VPS13A: variants seen among roughly 807,000 people sequenced by gnomAD.
VPS13A encodes the protein vacuolar protein sorting 13 homolog A, also known as intermembrane lipid transfer protein VPS13A.
Under a neutral mutation model 390.9 loss-of-function variants are expected in VPS13A, and 264 were observed. That is an observed-to-expected ratio of 0.68 (90% CI 0.61 to 0.75). The LOEUF (loss-of-function observed/expected upper bound fraction) is 0.75. Ranked by LOEUF, VPS13A falls within the 30% of genes least tolerant of loss-of-function variation. VPS13A has a pLI of 0.00. For missense variants in VPS13A, 3,409 were observed against 3,733.9 expected, an observed-to-expected ratio of 0.91 and a Z score of 2.27; for synonymous variants, 1,231 against 1,227.1, an observed-to-expected ratio of 1.00 and a Z score of -0.07.
At chr9:77,197,452 ATACATGTTTATAATTGT>A (rs1825069387) in intron 1 of VPS13A, among the ~76,000 whole-genome samples, 1 of 152,110 alleles carries the variant, frequency 6.6e-6, no homozygotes, top group Non-Finnish European at 1.5e-5. Context: ...TGTTTGGTGC[ATACATGTTTATAATTGT>A]TACATCTTTT....
intron 52 of VPS13A, 121 bp downstream of exon 52, chr9:77,345,263 A>T: frequency 9.0e-7 from 1 of 1,112,192 alleles, no homozygotes. Context: ...TGTGTAAAAC[A>T]GTGTTCCATT....
At chr9:77,374,170 C>G (rs1281968571) in intron 67 of VPS13A, among the ~76,000 whole-genome samples, 8 of 151,748 alleles carry the variant, frequency 5.3e-5, no homozygotes, top group African/African-American at 1.9e-4. Context: ...TATAGTAGTC[C>G]CTCTTGATCT....
At chr9:77,178,345 G>A (rs1325929401) in intron 1 of VPS13A, among the ~76,000 whole-genome samples, 3 of 152,238 alleles carry the variant, frequency 2.0e-5, no homozygotes, top group African/African-American at 7.2e-5. Context: ...TTCACCCGTG[G>A]TGCTTTCTGC....
At position 77,321,575 on chromosome 9, in the gene VPS13A, A is replaced by G; in HGVS notation, c.5659A>G (p.Thr1887Ala). 6.2e-7 allele frequency: 1 copy of G among 1,613,490 alleles called. No individual in the cohort carries two copies. The highest frequency in any genetic ancestry group is 8.5e-7 in the Non-Finnish European group (1 of 1,179,614). ...TATGATTTTAAATTCCCTTGGACTT[A>G]CTATTTCTGTTTCGCCAAGTGATTC... ...PFMILNSLGLTISVSPSDSFS... is the reference protein window; with the variant it reads ...PFMILNSLGLAISVSPSDSFS... The change falls in exon 44 of 72, where the codon ACT becomes GCT. Residue 1887 changes from threonine (T) to alanine (A), a missense_variant. Thr to Ala is a moderately conservative substitution (Grantham distance 58). This residue lies in a region of VPS13A where 2,717 missense variants were observed against 2,917.4 expected (regional missense o/e 0.93). Coordinates refer to ENST00000360280, the MANE Select transcript of VPS13A (RefSeq NM_033305.3).
intron 5 of VPS13A, among the ~76,000 whole-genome samples, chr9:77,206,327 T>TA (rs1825636424): frequency 4.0e-5 from 2 of 50,414 alleles, no homozygotes; most frequent in Non-Finnish European, 8.1e-5. Context: ...TTTACATATT[T>TA]TTTATATATA....
At position 77,418,586 on chromosome 9, in the gene VPS13A, G is replaced by A. The variant is rs1195220331; in HGVS notation, c.*2580G>A. ...CCTTTAGTGTTCACAAAAATCCCAAGGTCAGTTTAGTGTGGCTGAGTTGTT... is the reference window on the plus strand; with the variant it reads ...CCTTTAGTGTTCACAAAAATCCCAAAGTCAGTTTAGTGTGGCTGAGTTGTT... On this transcript the variant is annotated 3_prime_UTR_variant, in exon 72 of 72. Transcript: ENST00000360280. 1 of 152,144 alleles carries A rather than the reference G, an allele frequency of 6.6e-6. No homozygotes were observed. The highest frequency in any genetic ancestry group is 1.5e-5 in the Non-Finnish European group (1 of 68,024). 9.4% of individuals were successfully genotyped at this position (152,144 alleles called of 1,614,324 possible).
intron 26 of VPS13A, among the ~76,000 whole-genome samples, chr9:77,277,777 C>T (rs1488219066): frequency 6.6e-6 from 1 of 152,008 alleles, no homozygotes; most frequent in African/African-American, 2.4e-5. Context: ...GAATGATATT[C>T]TCTTGTCTGG....
intron 23 of VPS13A, among the ~76,000 whole-genome samples, chr9:77,262,075 G>A (rs1054473705): frequency 6.6e-6 from 1 of 152,104 alleles, no homozygotes; most frequent in African/African-American, 2.4e-5. Flanking sequence ...GGAAACTGCT[G>A]TTCATGTCTT....
intron 20 of VPS13A, among the ~76,000 whole-genome samples, chr9:77,248,913 G>A (rs1824990241): frequency 6.6e-6 from 1 of 152,140 alleles, no homozygotes; most frequent in South Asian, 2.1e-4. Flanking sequence ...TGTATTTTTA[G>A]TAGAGATGGG....
intron 52 of VPS13A, among the ~76,000 whole-genome samples, chr9:77,346,897 G>A (rs1450205245): frequency 1.3e-5 from 2 of 152,078 alleles, no homozygotes; most frequent in South Asian, 2.1e-4. Flanking sequence ...TTAGGCCCTG[G>A]CCAGACTGGT....
Position 77,177,535 on chromosome 9 carries a change from C to T in VPS13A, c.-170C>T, listed in dbSNP as rs1476883058. The stretch of plus-strand genomic sequence containing the variant: ...TGCGCACGCGTCGTGAGAGCGACCG[C>T]CTCCGTCTCTCGCTGGGCTCGCTAG... On this transcript the variant is annotated 5_prime_UTR_variant, in exon 1 of 72. Coordinates refer to ENST00000360280, the MANE Select transcript of VPS13A (RefSeq NM_033305.3). 3.1e-6 allele frequency: 2 copies of T among 639,390 alleles called. No homozygotes were observed. The highest frequency in any genetic ancestry group is 1.8e-5 in the African/African-American group (1 of 54,638). The allele number at this position is 639,390 out of a possible 1,614,324, so 39.6% of individuals were successfully genotyped here.
At chr9:77,183,561 C>T (rs569228866) in intron 1 of VPS13A, among the ~76,000 whole-genome samples, 7 of 152,160 alleles carry the variant, frequency 4.6e-5, no homozygotes, top group Non-Finnish European at 1.5e-5. Context: ...TAATTTATTC[C>T]TTTTTATTGC....
At chr9:77,306,782 C>T (rs940343728) in intron 34 of VPS13A, among the ~76,000 whole-genome samples, 1 of 151,960 alleles carries the variant, frequency 6.6e-6, no homozygotes, top group African/African-American at 2.4e-5. Flanking sequence ...TATGTTTGAC[C>T]ACATACCTAG....
chr9:77,418,182 ATTT>A lies in VPS13A; in HGVS notation c.*2177_*2179del. On this transcript the variant is annotated 3_prime_UTR_variant, in exon 72 of 72. Coordinates refer to ENST00000360280, the MANE Select transcript of VPS13A (RefSeq NM_033305.3). ...TTGAAAACCATCTGCCCTAAATTAC[ATTT>A]AACTACAAGAAATGGCTCTCTGCTG... 6.6e-6 allele frequency: 1 copy of A among 152,302 alleles called. No individual in the cohort carries two copies. Among genetic ancestry groups the A allele is most frequent in the African/African-American group, 2.4e-5 (1 of 41,566 alleles). The allele number at this position is 152,302 out of a possible 1,614,324, so 9.4% of individuals were successfully genotyped here. A position where few individuals can be genotyped will look rare whatever the true frequency, so the allele number is the denominator to read the frequency against.
chr9:77,299,974 A>G (rs1385305111), intron 33 of VPS13A, among the ~76,000 whole-genome samples: 1 of 152,148 alleles, frequency 6.6e-6, no homozygotes, highest in African/African-American at 2.4e-5. Flanking sequence ...TAATTAATGT[A>G]TGTGGAGCTT....
chr9:77,303,323 G>T lies in VPS13A; in HGVS notation c.3960+261G>T, dbSNP rs531773843. 6.6e-5 allele frequency among the ~76,000 whole-genome samples: 10 copies of T among 152,304 alleles called. No individual in the cohort carries two copies. The South Asian group carries it at 2.1e-3, about 32-fold the overall frequency. ...ACTTGCCAGTCTAATGCAGGGGTTG[G>T]TGGTGATGGTGATCTGGAAGGTATA... On this transcript the variant is annotated intron_variant, in intron 34 of 71. Transcript: ENST00000360280.
intron 31 of VPS13A, among the ~76,000 whole-genome samples, chr9:77,289,509 T>C (rs1827525229): frequency 6.6e-6 from 1 of 152,268 alleles, no homozygotes; most frequent in East Asian, 1.9e-4. Context: ...CTTCCAATAA[T>C]ATTTTATTGT....
chr9:77,357,523 G>A (rs1456737607), intron 55 of VPS13A, among the ~76,000 whole-genome samples, 169 bp from the exon 56 acceptor site: 1 of 151,864 alleles, frequency 6.6e-6, no homozygotes, highest in Non-Finnish European at 1.5e-5. Flanking sequence ...GTGAAGCTTT[G>A]TAAGAATTAT....
chr9:77,234,004 T>C (rs1823990334), intron 17 of VPS13A, among the ~76,000 whole-genome samples: 1 of 152,310 alleles, frequency 6.6e-6, no homozygotes, highest in East Asian at 1.9e-4. Context: ...CTAAGTGTTA[T>C]TGTGAGCTAT....
Sources: gnomAD v4.1 joint callset for allele counts (sites outside exome capture counted in the v4.1 genomes callset) on GRCh38, gnomAD v4.1.1 for gene constraint, gnomAD v4.1.1 regional missense constraint, MANE v1.5 for transcripts, NCBI Gene and HGNC (gene_info 2026-07-23, HGNC 2026-07-21) for gene names.